GRIK1: variants seen among roughly 807,000 people sequenced by gnomAD.
GRIK1 encodes the protein glutamate ionotropic receptor kainate type subunit 1.
In GRIK1, 69 loss-of-function variants were observed where a neutral mutation model predicts 105.7. The observed-to-expected ratio is 0.65, with a 90% CI of 0.54 to 0.80. The LOEUF (loss-of-function observed/expected upper bound fraction) is 0.80, where lower values mean the gene tolerates loss of function less well. Ranked by LOEUF, GRIK1 falls within the 30% of genes least tolerant of loss-of-function variation. The pLI is 0.00. For synonymous variants in GRIK1, 438 were observed against 431.3 expected (o/e 1.02, Z -0.19); for missense variants, 1,109 against 1,167.3 (o/e 0.95, Z 0.73).
rs1255846155 is a variant in GRIK1 at position 29,848,780 on chromosome 21, T to TATATA, written c.118+90602_118+90603insTATAT. Among the ~76,000 whole-genome samples the TATATA allele has an allele frequency of 3.6e-3, 101 of 28,420 alleles. 1 individual carries two copies. Among genetic ancestry groups the TATATA allele is most frequent in the East Asian group, 0.012 (10 of 844 alleles). 18.6% of individuals were successfully genotyped at this position (28,420 alleles called of 152,430 possible). On this transcript the variant is annotated intron_variant, in intron 1 of 17. Coordinates refer to ENST00000327783, the MANE Select transcript of GRIK1 (RefSeq NM_001330994.2). ...GTATATATATATATATATATATATA[T>TATATA]TTTTTTTTTTTTCCACGATCTTCAC...
Position 29,688,357 on chromosome 21 carries a change from C to G in GRIK1, c.544+1371G>C, listed in dbSNP as rs573960668. On this transcript the variant is annotated intron_variant, in intron 3 of 17. Transcript: ENST00000327783. Reference sequence around the variant, plus strand: ...ATCAAAGAGGAGGCACATATTCATCCTTTGAGGAATAGTAACTGCTAGTGC... The same window carrying G: ...ATCAAAGAGGAGGCACATATTCATCGTTTGAGGAATAGTAACTGCTAGTGC... Among the ~76,000 whole-genome samples the G allele has an allele frequency of 1.3e-4, 20 of 152,288 alleles. No homozygotes were observed. The South Asian group carries it at 4.1e-3, about 32-fold the overall frequency.
At chr21:29,902,884 C>T (rs2070461335) in intron 1 of GRIK1, among the ~76,000 whole-genome samples, 1 of 152,150 alleles carries the variant, frequency 6.6e-6, no homozygotes, top group Admixed American at 6.5e-5. Flanking sequence ...TCAAACTACA[C>T]TACAAGGCTA....
intron 1 of GRIK1, among the ~76,000 whole-genome samples, chr21:29,695,907 A>G (rs2063692914): frequency 6.6e-6 from 1 of 152,240 alleles, no homozygotes; most frequent in Non-Finnish European, 1.5e-5. Context: ...AAGGGGGAAA[A>G]AAAAGAATAT....
intron 7 of GRIK1, among the ~76,000 whole-genome samples, chr21:29,611,089 C>T (rs1018227237): frequency 2.0e-5 from 3 of 151,928 alleles, no homozygotes; most frequent in Non-Finnish European, 4.4e-5. Flanking sequence ...GGAAATAAAA[C>T]AAAAGAACAA....
chr21:29,848,395 T>G (rs2068194024), intron 1 of GRIK1, among the ~76,000 whole-genome samples: 2 of 152,180 alleles, frequency 1.3e-5, no homozygotes. Flanking sequence ...CAACCTGTGC[T>G]TCCGGCCTCA....
chr21:29,921,017 C>T (rs374835396), intron 1 of GRIK1, among the ~76,000 whole-genome samples: 58 of 152,224 alleles, frequency 3.8e-4, no homozygotes, highest in African/African-American at 1.3e-3. Context: ...AATCTCCAAC[C>T]TAAAATTCAA....
intron 1 of GRIK1, among the ~76,000 whole-genome samples, chr21:29,869,029 A>G (rs948667828): frequency 3.0e-4 from 46 of 152,214 alleles, no homozygotes; most frequent in Admixed American, 2.6e-3. Flanking sequence ...AGTTTTCATC[A>G]CCTGTGTGGG....
intron 1 of GRIK1, among the ~76,000 whole-genome samples, chr21:29,883,293 G>GA (rs2069493571): frequency 6.6e-6 from 1 of 152,016 alleles, no homozygotes. Flanking sequence ...AACAGTATTA[G>GA]AACTGATAAT....
At chr21:29,809,455 G>T (rs370745285) in intron 1 of GRIK1, among the ~76,000 whole-genome samples, 1 of 152,192 alleles carries the variant, frequency 6.6e-6, no homozygotes, top group Non-Finnish European at 1.5e-5. Context: ...CCTTCAGCAA[G>T]TTGTAATCTT....
intron 1 of GRIK1, among the ~76,000 whole-genome samples, chr21:29,839,723 G>C (rs934886182): frequency 3.3e-5 from 5 of 152,066 alleles, no homozygotes; most frequent in African/African-American, 1.2e-4. Flanking sequence ...AATACTTTGT[G>C]GGTTTTGCAG....
chr21:29,762,016 G>A (rs1052454332), intron 1 of GRIK1, among the ~76,000 whole-genome samples: 6 of 152,274 alleles, frequency 3.9e-5, no homozygotes, highest in Admixed American at 3.9e-4. Flanking sequence ...CCAAGTGCTG[G>A]GATTACAGGC....
At chr21:29,873,825 G>A (rs562990201) in intron 1 of GRIK1, among the ~76,000 whole-genome samples, 1 of 152,288 alleles carries the variant, frequency 6.6e-6, no homozygotes, top group South Asian at 2.1e-4. Context: ...TAGGACAGTG[G>A]TCTCCCGCCT....
chr21:29,592,165 AAG>A (rs1431615566), intron 9 of GRIK1, among the ~76,000 whole-genome samples: 1 of 152,244 alleles, frequency 6.6e-6, no homozygotes, highest in Non-Finnish European at 1.5e-5. Context: ...AAGCTGGGCA[AAG>A]AGTGCTTGTG....
intron 12 of GRIK1, among the ~76,000 whole-genome samples, chr21:29,582,039 A>G (rs1021646586): frequency 6.6e-6 from 1 of 152,196 alleles, no homozygotes; most frequent in African/African-American, 2.4e-5. Context: ...AAGGAGTCTA[A>G]GTGGTGGTCT....
At chr21:29,806,321 C>T (rs1022478666) in intron 1 of GRIK1, among the ~76,000 whole-genome samples, 4 of 151,706 alleles carry the variant, frequency 2.6e-5, no homozygotes, top group Admixed American at 2.6e-4. Context: ...ATCAGTCAGC[C>T]AATAACAAAC....
chr21:29,656,095 G>T (rs1255626591), intron 4 of GRIK1, among the ~76,000 whole-genome samples: 1 of 151,592 alleles, frequency 6.6e-6, no homozygotes, highest in South Asian at 2.1e-4. Flanking sequence ...CGGGTGCGGT[G>T]GCTCACGCCT....
At chr21:29,714,204 G>A (rs1016822345) in intron 1 of GRIK1, among the ~76,000 whole-genome samples, 1 of 151,494 alleles carries the variant, frequency 6.6e-6, no homozygotes, top group African/African-American at 2.4e-5. Flanking sequence ...TTTCAGACAA[G>A]TGGGGTACAG....
intron 6 of GRIK1, among the ~76,000 whole-genome samples, chr21:29,643,550 C>T (rs1478754908): frequency 6.6e-6 from 1 of 152,194 alleles, no homozygotes; most frequent in Non-Finnish European, 1.5e-5. Context: ...CAGACAAGTG[C>T]AGCTTGCTCA....
intron 15 of GRIK1, among the ~76,000 whole-genome samples, chr21:29,558,980 A>T (rs1458232897): frequency 6.6e-6 from 1 of 152,160 alleles, no homozygotes; most frequent in Non-Finnish European, 1.5e-5. Flanking sequence ...CTTAGGAGAG[A>T]TGATACACAT....
Sources: allele counts gnomAD v4.1 joint callset (sites outside exome capture counted in the v4.1 genomes callset), GRCh38; gene constraint gnomAD v4.1.1; transcripts MANE v1.5; gene names NCBI Gene and HGNC (gene_info 2026-07-23, HGNC 2026-07-21).